The following EVI5 variants were observed in gnomAD, a reference collection of about 807,000 sequenced individuals.
The protein encoded by EVI5 is ecotropic viral integration site 5 protein homolog.
EVI5 carries 73 observed loss-of-function variants against 112.0 expected under a neutral mutation model. The observed-to-expected ratio is 0.65, with a 90% CI of 0.54 to 0.79. The LOEUF is 0.79. Ranked by LOEUF, EVI5 falls within the 30% of genes least tolerant of loss-of-function variation. The probability of loss-of-function intolerance (pLI) is 0.00; values close to 1 mark genes in which losing one functional copy is unlikely to be tolerated. For synonymous variants in EVI5, 305 were observed against 319.9 expected (o/e 0.95, Z 0.50); for missense variants, 900 against 968.8 (o/e 0.93, Z 0.94).
intron 11 of EVI5, 118 bp from the exon 12 acceptor site, chr1:92,663,570 ACATTTAAAGTTTAAAAC>A (rs777856383): frequency 4.4e-6 from 2 of 450,904 alleles, no homozygotes; most frequent in Non-Finnish European, 7.7e-6. Context: ...ATTAAAATGG[ACATTTAAAGTTTAAAAC>A]CATTTTTTAC....
At chr1:92,585,220 C>CT (rs1672586318) in intron 18 of EVI5, among the ~76,000 whole-genome samples, 1 of 25,780 alleles carries the variant, frequency 3.9e-5, no homozygotes, top group African/African-American at 1.6e-4. Context: ...GAGACTCCAT[C>CT]TCAAAAAAAA....
intron 10 of EVI5, among the ~76,000 whole-genome samples, chr1:92,669,213 AT>A (rs1665425251): frequency 6.6e-6 from 1 of 152,096 alleles, no homozygotes; most frequent in Non-Finnish European, 1.5e-5. Context: ...TATTCTTAAG[AT>A]TTTTTTATTG....
At chr1:92,571,615 T>C (rs1670337689) in intron 18 of EVI5, among the ~76,000 whole-genome samples, 1 of 152,284 alleles carries the variant, frequency 6.6e-6, no homozygotes, top group East Asian at 1.9e-4. Context: ...CCAAAAGACA[T>C]AGCAATGAAT....
At chr1:92,701,741 A>G (rs996573149) in intron 5 of EVI5, among the ~76,000 whole-genome samples, 3 of 151,762 alleles carry the variant, frequency 2.0e-5, no homozygotes, top group African/African-American at 7.3e-5. Flanking sequence ...TAGCTCCATG[A>G]TAAATTAAAT....
chr1:92,636,464 C>T (rs1658854937), intron 13 of EVI5, 128 bp from the exon 14 acceptor site: 3 of 663,152 alleles, frequency 4.5e-6, no homozygotes, highest in South Asian at 2.6e-5. Flanking sequence ...TTCCATCTAC[C>T]CAATATTTCC....
At chr1:92,741,377 G>C (rs1262323656) in intron 1 of EVI5, among the ~76,000 whole-genome samples, 1 of 152,128 alleles carries the variant, frequency 6.6e-6, no homozygotes, top group Non-Finnish European at 1.5e-5. Flanking sequence ...AAGTTGAGGA[G>C]TATCTGAGAG....
intron 10 of EVI5, among the ~76,000 whole-genome samples, chr1:92,676,778 G>C (rs1390507275): frequency 6.6e-6 from 1 of 152,126 alleles, no homozygotes; most frequent in Non-Finnish European, 1.5e-5. Context: ...ATTAGTTCTA[G>C]TGTAATATAT....
chr1:92,607,418 C>T, intron 17 of EVI5, 163 bp downstream of exon 17: 1 of 478,542 alleles, frequency 2.1e-6, no homozygotes, highest in Non-Finnish European at 3.6e-6. Context: ...GCAAGATGAG[C>T]TGACCTGGTC....
At chr1:92,693,083 G>A (rs141123321) in intron 9 of EVI5, among the ~76,000 whole-genome samples, 16 of 152,260 alleles carry the variant, frequency 1.1e-4, no homozygotes, top group Non-Finnish European at 1.9e-4. Flanking sequence ...CAGGTGCAGC[G>A]GCTCACACCT....
chr1:92,773,393 T>C (rs1683702061), intron 1 of EVI5, among the ~76,000 whole-genome samples: 2 of 152,324 alleles, frequency 1.3e-5, no homozygotes, highest in Middle Eastern at 3.4e-3. Context: ...GAAAACACAC[T>C]GTTATTCTAC....
intron 14 of EVI5, among the ~76,000 whole-genome samples, chr1:92,630,121 G>T (rs1656658305): frequency 6.6e-6 from 1 of 152,130 alleles, no homozygotes; most frequent in Admixed American, 6.5e-5. Flanking sequence ...AGTGCCACAA[G>T]AAACATACGT....
intron 18 of EVI5, among the ~76,000 whole-genome samples, chr1:92,591,585 A>T (rs1227309896): frequency 6.6e-6 from 1 of 152,232 alleles, no homozygotes; most frequent in Non-Finnish European, 1.5e-5. Context: ...ATATGCACCC[A>T]ATACAGGCGC....
At chr1:92,576,365 A>C (rs929200631) in intron 18 of EVI5, among the ~76,000 whole-genome samples, 7 of 152,174 alleles carry the variant, frequency 4.6e-5, no homozygotes, top group African/African-American at 1.7e-4. Flanking sequence ...ATTGGTAGTT[A>C]TAATTTTTAA....
intron 19 of EVI5, among the ~76,000 whole-genome samples, chr1:92,550,480 G>C (rs1666611699): frequency 6.6e-6 from 1 of 151,152 alleles, no homozygotes; most frequent in Non-Finnish European, 1.5e-5. Context: ...ATGTACCCTA[G>C]AACTTAAAGT....
chr1:92,702,505 T>TA (rs1429499339), intron 4 of EVI5, among the ~76,000 whole-genome samples: 1 of 149,094 alleles, frequency 6.7e-6, no homozygotes, highest in Non-Finnish European at 1.5e-5. Context: ...TAACAGGGCT[T>TA]AAAAATCAAG....
At chr1:92,533,722 AT>A (rs1482268497) in intron 19 of EVI5, among the ~76,000 whole-genome samples, 2 of 152,310 alleles carry the variant, frequency 1.3e-5, no homozygotes, top group East Asian at 3.9e-4. Flanking sequence ...CTTCAACTAT[AT>A]TCAACAGCCT....
chr1:92,663,598 T>C, intron 11 of EVI5, 146 bp from the exon 12 acceptor site: 1 of 401,664 alleles, frequency 2.5e-6, no homozygotes, highest in East Asian at 3.6e-5. Flanking sequence ...CATTTTTTAC[T>C]GAATGTTTTT....
At position 92,684,244 on chromosome 1, in the gene EVI5, T is replaced by A. The variant is rs368867600; in HGVS notation, c.1098-7026A>T. Among the ~76,000 whole-genome samples the A allele has an allele frequency of 1.6e-4, 25 of 152,262 alleles. No individual in the cohort carries two copies. In the East Asian group the frequency reaches 2.5e-3, roughly 15 times the overall value. On this transcript the variant is annotated intron_variant, in intron 9 of 19. Coordinates refer to ENST00000684568, the MANE Select transcript of EVI5 (RefSeq NM_001350197.2). ...CAAGCCAGAAGAGATTGGGGGCCAATATTCAACATTCTTAAAGAAAAGAAT... is the reference window on the plus strand; with the variant it reads ...CAAGCCAGAAGAGATTGGGGGCCAAAATTCAACATTCTTAAAGAAAAGAAT...
At chr1:92,759,681 A>G (rs897870080) in intron 1 of EVI5, among the ~76,000 whole-genome samples, 1 of 152,170 alleles carries the variant, frequency 6.6e-6, no homozygotes, top group African/African-American at 2.4e-5. Context: ...TGCCTATTCT[A>G]TATATATCAT....
Sources: gnomAD v4.1 joint callset for allele counts (sites outside exome capture counted in the v4.1 genomes callset) on GRCh38, gnomAD v4.1.1 for gene constraint, MANE v1.5 for transcripts, NCBI Gene and HGNC (gene_info 2026-07-23, HGNC 2026-07-21) for gene names.